The following EPHA7 variants were observed in gnomAD, a reference collection of about 807,000 sequenced individuals.
EPHA7 encodes EPH receptor A7.
In EPHA7, 25 loss-of-function variants were observed where a neutral mutation model predicts 112.6. The ratio of observed to expected loss-of-function variants is 0.22; its 90% CI spans 0.16 to 0.31. The LOEUF is 0.31. EPHA7 is among the 10% of genes least tolerant of loss of function. The probability of loss-of-function intolerance (pLI) is 1.00; values close to 1 mark genes in which losing one functional copy is unlikely to be tolerated. For missense variants in EPHA7, 962 were observed against 1,212.6 expected (o/e 0.79, Z 3.07); for synonymous variants, 437 against 406.5 (o/e 1.07, Z -0.90).
At chr6:93,305,967 A>T (rs973259656) in intron 5 of EPHA7, among the ~76,000 whole-genome samples, 7 of 151,960 alleles carry the variant, frequency 4.6e-5, no homozygotes, top group African/African-American at 1.7e-4. Context: ...TACAATGGAT[A>T]TCATAATAAA....
chr6:93,241,507 T>G lies in EPHA7; in HGVS notation c.*1919A>C, dbSNP rs2127842796. On this transcript the variant is annotated 3_prime_UTR_variant, in exon 17 of 17. Transcript: ENST00000369303. ...GACTGTATTATGCTAATTAAAATTA[T>G]TTTTACAGATTACTTTTCCTTAGGG... 4.6e-6 allele frequency: 1 copy of G among 215,442 alleles called. No homozygotes were observed. The highest frequency in any genetic ancestry group is 1.9e-4 in the South Asian group (1 of 5,372). The allele number at this position is 215,442 out of a possible 1,614,324, so 13.3% of individuals were successfully genotyped here.
chr6:93,349,778 A>G (rs1775596775), intron 5 of EPHA7, among the ~76,000 whole-genome samples: 1 of 151,952 alleles, frequency 6.6e-6, no homozygotes, highest in Non-Finnish European at 1.5e-5. Flanking sequence ...GAATTAATTT[A>G]CTTATTAAAA....
At chr6:93,362,254 T>C (rs1562125585) in intron 3 of EPHA7, among the ~76,000 whole-genome samples, 1 of 152,034 alleles carries the variant, frequency 6.6e-6, no homozygotes, top group Non-Finnish European at 1.5e-5. Flanking sequence ...TACATGAAAC[T>C]TCTATATACC....
chr6:93,407,216 C>T (rs1227110672), intron 3 of EPHA7, among the ~76,000 whole-genome samples: 7 of 152,034 alleles, frequency 4.6e-5, no homozygotes, highest in African/African-American at 1.7e-4. Flanking sequence ...CAATGGGCTG[C>T]TACTTCAAAA....
At chr6:93,244,609 A>G (rs986776339) in intron 16 of EPHA7, among the ~76,000 whole-genome samples, 2 of 151,430 alleles carry the variant, frequency 1.3e-5, no homozygotes, top group East Asian at 1.9e-4. Flanking sequence ...GCCAGACAGG[A>G]AAAGTGAGTT....
intron 3 of EPHA7, among the ~76,000 whole-genome samples, chr6:93,371,299 C>A (rs1220721353): frequency 6.6e-6 from 1 of 151,874 alleles, no homozygotes; most frequent in African/African-American, 2.4e-5. Context: ...TACAAAAATA[C>A]AAATTTTAAA....
intron 13 of EPHA7, among the ~76,000 whole-genome samples, chr6:93,255,448 A>ATTTTCTTTTT (rs1770400010): frequency 6.6e-6 from 1 of 152,116 alleles, no homozygotes; most frequent in South Asian, 2.1e-4. Flanking sequence ...ATTCTCACAT[A>ATTTTCTTTTT]TTTTCTTTTT....
At chr6:93,282,341 T>C (rs1004013333) in intron 5 of EPHA7, among the ~76,000 whole-genome samples, 1 of 152,262 alleles carries the variant, frequency 6.6e-6, no homozygotes, top group Non-Finnish European at 1.5e-5. Flanking sequence ...CTACACTGTT[T>C]ATAATTTCCC....
At chr6:93,353,503 G>T (rs1313473299) in intron 5 of EPHA7, among the ~76,000 whole-genome samples, 2 of 151,894 alleles carry the variant, frequency 1.3e-5, no homozygotes, top group African/African-American at 4.8e-5. Flanking sequence ...GTTATAATAC[G>T]TTAACTGCCA....
At position 93,244,593 on chromosome 6, in the gene EPHA7, G is replaced by A. The variant is rs377755380; in HGVS notation, c.2882+705C>T. ...GATTGTCCAGGAACCCATAATTAGT[G>A]ATGGAGCCAGACAGGAAAAGTGAGT... On this transcript the variant is annotated intron_variant, in intron 16 of 16. Coordinates refer to ENST00000369303, the MANE Select transcript of EPHA7 (RefSeq NM_004440.4). Among the ~76,000 whole-genome samples the A allele has an allele frequency of 2.3e-3, 352 of 152,138 alleles. 1 individual carries two copies. Among genetic ancestry groups the A allele is most frequent in the African/African-American group, 7.9e-3 (326 of 41,520 alleles).
rs1266448704 is a variant in EPHA7, at chr6:93,408,979, CT to C, written c.832+1521del. ...TTAAGGACATATGTTACTTTTTTTTCTTTTTTTTTTCTTGCAGTACAGCTTT... is the reference window on the plus strand; with the variant it reads ...TTAAGGACATATGTTACTTTTTTTTCTTTTTTTTTCTTGCAGTACAGCTTT... On this transcript the variant is annotated intron_variant, in intron 3 of 16. Transcript: ENST00000369303. 1.9e-4 allele frequency among the ~76,000 whole-genome samples: 7 copies of C among 36,942 alleles called. No homozygotes were observed. In the East Asian group the frequency reaches 5.9e-3, roughly 31 times the overall value. 24.2% of individuals were successfully genotyped at this position (36,942 alleles called of 152,430 possible). A position where few individuals can be genotyped will look rare whatever the true frequency, so the allele number is the denominator to read the frequency against.
At chr6:93,387,911 TTAGATAGATAGACAGATAGA>T (rs1343237714) in intron 3 of EPHA7, among the ~76,000 whole-genome samples, 5 of 123,960 alleles carry the variant, frequency 4.0e-5, no homozygotes, top group Non-Finnish European at 7.0e-5. Flanking sequence ...CCAGACCATC[TTAGATAGATAGACAGATAGA>T]TAGATAGATA....
rs111451396 is a variant in EPHA7, at chr6:93,388,307, T to C, written c.832+22194A>G. On this transcript the variant is annotated intron_variant, in intron 3 of 16. Transcript: ENST00000369303. Reference sequence around the variant, plus strand: ...CTATTCTTGGACATTTAAGTTGACATCTTTTCAAAAGTCAAAAGGCATTTT... The same window carrying C: ...CTATTCTTGGACATTTAAGTTGACACCTTTTCAAAAGTCAAAAGGCATTTT... Among the ~76,000 whole-genome samples the C allele has an allele frequency of 5.1e-3, 782 of 152,246 alleles. 3 individuals carry two copies. The highest frequency in any genetic ancestry group is 0.018 in the African/African-American group (739 of 41,562).
At chr6:93,394,990 T>C (rs574550517) in intron 3 of EPHA7, among the ~76,000 whole-genome samples, 1 of 152,016 alleles carries the variant, frequency 6.6e-6, no homozygotes, top group Non-Finnish European at 1.5e-5. Flanking sequence ...TACAGCATTT[T>C]TCTTATTACT....
intron 3 of EPHA7, among the ~76,000 whole-genome samples, chr6:93,393,190 T>C (rs1049605801): frequency 5.9e-5 from 9 of 152,012 alleles, no homozygotes; most frequent in African/African-American, 1.9e-4. Flanking sequence ...ATGTGAATTG[T>C]TTAGGCATCT....
chr6:93,394,273 C>T (rs893665072), intron 3 of EPHA7, among the ~76,000 whole-genome samples: 1 of 151,644 alleles, frequency 6.6e-6, no homozygotes, highest in African/African-American at 2.4e-5. Context: ...ATAAACAAAG[C>T]TACAACTCAA....
Position 93,257,522 on chromosome 6 carries a change from C to T in EPHA7, c.2112G>A (p.Gly704=). Reference sequence around the variant, plus strand: ...ACTCTATTACTATCATGACTGGTTTCCCTAAAATTAAAAAAAAAAAGTTTC... The same window carrying T: ...ACTCTATTACTATCATGACTGGTTTTCCTAAAATTAAAAAAAAAAAGTTTC... ...VVHLEGVVTR[G]KPVMIVIEFM... The change falls in exon 12 of 17, where the codon GGG becomes GGA. Residue 704 remains glycine (G), a splice_region_variant and synonymous_variant. Coordinates refer to ENST00000369303, the MANE Select transcript of EPHA7 (RefSeq NM_004440.4). 2 of 1,606,184 alleles carry T rather than the reference C, an allele frequency of 1.2e-6. No individual in the cohort carries two copies. Among genetic ancestry groups the T allele is most frequent in the African/African-American group, 1.3e-5 (1 of 74,402 alleles).
intron 5 of EPHA7, among the ~76,000 whole-genome samples, chr6:93,346,487 C>A (rs1364725879): frequency 6.6e-6 from 1 of 151,732 alleles, no homozygotes; most frequent in African/African-American, 2.4e-5. Context: ...TAACCAAAAA[C>A]ACTTCTTTAG....
chr6:93,356,900 G>C lies in EPHA7; in HGVS notation c.1141C>G (p.Pro381Ala). ...ATGTATCCAATGTTACTCCCACAGG[G>C]AACACATTCGCCCTGCTCCCAACTG... ...RCSWEQGECV[P>A]CGSNIGYMPQ... is the part of the protein sequence containing the mutation. Residue 381 changes from proline (P) to alanine (A), a missense_variant, in exon 5 of 17, where the codon CCC becomes GCC. By Grantham distance (27) the Pro-to-Ala change is conservative. Transcript: ENST00000369303. 1 of 1,614,074 alleles carries C rather than the reference G, an allele frequency of 6.2e-7. No individual in the cohort carries two copies. The highest frequency in any genetic ancestry group is 8.5e-7 in the Non-Finnish European group (1 of 1,180,016).
Sources: gnomAD v4.1 joint callset for allele counts (sites outside exome capture counted in the v4.1 genomes callset) on GRCh38, gnomAD v4.1.1 for gene constraint, MANE v1.5 for transcripts, NCBI Gene and HGNC (gene_info 2026-07-23, HGNC 2026-07-21) for gene names.